Variants in MAST4 observed in about 807,000 individuals in gnomAD.
MAST4 encodes the protein microtubule associated serine/threonine kinase family member 4.
Under a neutral mutation model 162.7 loss-of-function variants are expected in MAST4, and 89 were observed. That is an observed-to-expected ratio of 0.55 (90% CI 0.46 to 0.65). MAST4 has a LOEUF of 0.65. MAST4 is among the 30% of genes least tolerant of loss of function. The probability of loss-of-function intolerance (pLI) is 0.00; values close to 1 mark genes in which losing one functional copy is unlikely to be tolerated. For missense variants in MAST4, 3,153 were observed against 3,374.0 expected (o/e 0.93, Z 1.62); for synonymous variants, 1,479 against 1,361.1 (o/e 1.09, Z -1.91).
chr5:66,801,028 G>T (rs938743231), intron 3 of MAST4, among the ~76,000 whole-genome samples: 2 of 151,992 alleles, frequency 1.3e-5, no homozygotes, highest in Non-Finnish European at 2.9e-5. Context: ...GTCAAATTTG[G>T]CTATCATTTG....
intron 1 of MAST4, among the ~76,000 whole-genome samples, chr5:66,731,284 C>A (rs973987659): frequency 1.4e-5 from 2 of 147,720 alleles, no homozygotes; most frequent in South Asian, 2.1e-4. Context: ...TGCAGAGACA[C>A]TGGGGTATAT....
chr5:66,820,887 G>C (rs1756961020), intron 3 of MAST4, among the ~76,000 whole-genome samples: 1 of 150,810 alleles, frequency 6.6e-6, no homozygotes, highest in South Asian at 2.1e-4. Context: ...AATAATAAGA[G>C]AAAAAAAAAG....
intron 3 of MAST4, among the ~76,000 whole-genome samples, chr5:66,820,184 A>G (rs1438990968): frequency 1.3e-5 from 2 of 152,050 alleles, no homozygotes; most frequent in Non-Finnish European, 2.9e-5. Flanking sequence ...TGTAGTAGCT[A>G]TACTTGGAAT....
chr5:67,165,821 T>C lies in MAST4; in HGVS notation c.6642T>C (p.Ser2214=). The C allele has an allele frequency of 2.5e-6, 4 of 1,612,610 alleles. No homozygotes were observed. In the South Asian group the frequency reaches 4.4e-5, roughly 18 times the overall value. ...KTKHPDRSLS[S]QKPSVGATKG... ...AGCACCCCGACCGGTCCCTCTCCTC[T>C]CAGAAACCAAGTGTCGGGGCCACAA... Residue 2214 remains serine (S), a synonymous_variant, in exon 29 of 29, where the codon TCT becomes TCC. Coordinates refer to ENST00000403625, the MANE Select transcript of MAST4 (RefSeq NM_001164664.2).
At chr5:66,729,540 G>GT (rs1478512504) in intron 1 of MAST4, among the ~76,000 whole-genome samples, 1 of 152,120 alleles carries the variant, frequency 6.6e-6, no homozygotes, top group East Asian at 1.9e-4. Context: ...ATAGAGCAGT[G>GT]TTTTAATCAT....
chr5:66,791,970 C>A (rs1296980882), intron 3 of MAST4, among the ~76,000 whole-genome samples: 4 of 152,148 alleles, frequency 2.6e-5, no homozygotes, highest in South Asian at 2.1e-4. Flanking sequence ...CACTCAAGTA[C>A]ATGTTAGTGA....
intron 4 of MAST4, among the ~76,000 whole-genome samples, chr5:66,922,704 G>C (rs563367391): frequency 4.1e-4 from 63 of 152,216 alleles, no homozygotes; most frequent in Non-Finnish European, 1.3e-4. Flanking sequence ...AACTTCAAAA[G>C]TGAAGCTGTC....
At chr5:67,053,909 G>A (rs904312475) in intron 4 of MAST4, among the ~76,000 whole-genome samples, 1 of 152,172 alleles carries the variant, frequency 6.6e-6, no homozygotes, top group Non-Finnish European at 1.5e-5. Context: ...AATGAGTGGT[G>A]AGACACATTT....
At chr5:66,924,629 G>A (rs1017077765) in intron 4 of MAST4, among the ~76,000 whole-genome samples, 2 of 152,186 alleles carry the variant, frequency 1.3e-5, no homozygotes, top group East Asian at 1.9e-4. Context: ...TCCTGACCTC[G>A]TGATCCGCCT....
At chr5:66,675,030 G>A (rs974800165) in intron 1 of MAST4, among the ~76,000 whole-genome samples, 1 of 152,164 alleles carries the variant, frequency 6.6e-6, no homozygotes, top group Non-Finnish European at 1.5e-5. Context: ...CAGTGCCCCT[G>A]CTATAGGACA....
At chr5:66,662,830 A>C (rs1388737548) in intron 1 of MAST4, 2 of 136,602 alleles carry the variant, frequency 1.5e-5, no homozygotes, top group East Asian at 4.4e-4. Context: ...TATTTAGTGA[A>C]GTCTTTGATA....
In MAST4 at chr5:66,835,819, A is replaced by C. The variant is rs542156675; in HGVS notation, c.642+47025A>C. Among the ~76,000 whole-genome samples the C allele has an allele frequency of 5.3e-5, 8 of 152,320 alleles. No homozygotes were observed. The South Asian group carries it at 1.7e-3, about 32-fold the overall frequency. ...TCAAAGCCATTTTACAGATGTGGAC[A>C]TGGAGATTCAGAGTCGTCAAGAAAC... On this transcript the variant is annotated intron_variant, in intron 3 of 28. Coordinates refer to ENST00000403625, the MANE Select transcript of MAST4 (RefSeq NM_001164664.2).
chr5:66,661,390 G>T (rs1239293655), intron 1 of MAST4, among the ~76,000 whole-genome samples: 2 of 152,196 alleles, frequency 1.3e-5, no homozygotes, highest in African/African-American at 4.8e-5. Flanking sequence ...CTGTCTGCTT[G>T]GCTAAAAGCC....
chr5:66,634,032 A>G (rs937274447), intron 1 of MAST4, among the ~76,000 whole-genome samples: 1 of 152,094 alleles, frequency 6.6e-6, no homozygotes, highest in Non-Finnish European at 1.5e-5. Flanking sequence ...GTGTTGTTCT[A>G]GAGTAACTGG....
intron 4 of MAST4, among the ~76,000 whole-genome samples, chr5:66,933,571 CAT>C (rs528177642): frequency 1.1e-4 from 16 of 152,146 alleles, no homozygotes; most frequent in Non-Finnish European, 2.2e-4. Flanking sequence ...TGTATATAAA[CAT>C]GTGTGCATGT....
At chr5:67,016,425 A>G (rs993956056) in intron 4 of MAST4, among the ~76,000 whole-genome samples, 4 of 152,192 alleles carry the variant, frequency 2.6e-5, no homozygotes, top group African/African-American at 9.7e-5. Context: ...TTAATTTTAT[A>G]GGACAGTACC....
intron 11 of MAST4, among the ~76,000 whole-genome samples, chr5:67,112,729 A>C (rs1337869824): frequency 6.6e-6 from 1 of 152,180 alleles, no homozygotes; most frequent in Admixed American, 6.5e-5. Flanking sequence ...AGCTATCCAG[A>C]AGCTCCCCAA....
intron 3 of MAST4, among the ~76,000 whole-genome samples, chr5:66,899,197 A>T (rs1032540375): frequency 6.6e-6 from 1 of 152,110 alleles, no homozygotes; most frequent in Non-Finnish European, 1.5e-5. Context: ...GGTATTTCTG[A>T]ATCTATTTTT....
At chr5:67,099,481 AC>A (rs1764795047) in intron 7 of MAST4, among the ~76,000 whole-genome samples, 1 of 151,952 alleles carries the variant, frequency 6.6e-6, no homozygotes, top group Admixed American at 6.6e-5. Context: ...TATGAAGGAT[AC>A]TCTTAATATA....
Sources: allele counts gnomAD v4.1 joint callset (sites outside exome capture counted in the v4.1 genomes callset), GRCh38; gene constraint gnomAD v4.1.1; transcripts MANE v1.5; gene names NCBI Gene and HGNC (gene_info 2026-07-23, HGNC 2026-07-21).